The following TFAP2D variants were observed in gnomAD, a reference collection of about 807,000 sequenced individuals.
TFAP2D encodes transcription factor AP-2-delta.
In TFAP2D, 9 loss-of-function variants were observed where a neutral mutation model predicts 43.6. The ratio of observed to expected loss-of-function variants is 0.21; its 90% CI spans 0.12 to 0.36. The LOEUF is 0.36. TFAP2D is among the 10% of genes least tolerant of loss of function. The pLI is 1.00. For missense variants in TFAP2D, 513 were observed against 561.4 expected, an observed-to-expected ratio of 0.91 and a Z score of 0.87; for synonymous variants, 256 against 224.9, an observed-to-expected ratio of 1.14 and a Z score of -1.24.
At chr6:50,736,876 A>G (rs750537585) in intron 5 of TFAP2D, among the ~76,000 whole-genome samples, 4 of 152,194 alleles carry the variant, frequency 2.6e-5, no homozygotes, top group Non-Finnish European at 2.9e-5. Flanking sequence ...CACTAAAAAT[A>G]ACGTTTGAAT....
intron 7 of TFAP2D, among the ~76,000 whole-genome samples, chr6:50,753,537 A>G (rs569098252): frequency 1.2e-4 from 18 of 151,952 alleles, no homozygotes; most frequent in African/African-American, 4.3e-4. Context: ...CATACAGAAT[A>G]TGGGAACAAG....
chr6:50,739,989 G>A (rs888010616), intron 5 of TFAP2D, among the ~76,000 whole-genome samples: 5 of 152,128 alleles, frequency 3.3e-5, no homozygotes, highest in East Asian at 1.9e-4. Flanking sequence ...ATTCCTTTCC[G>A]AAGAGTCTGG....
chr6:50,735,537 G>A (rs1463452519), intron 5 of TFAP2D, among the ~76,000 whole-genome samples: 1 of 152,032 alleles, frequency 6.6e-6, no homozygotes, highest in African/African-American at 2.4e-5. Flanking sequence ...CAAAGTTAGG[G>A]GGACATTAAA....
intron 5 of TFAP2D, among the ~76,000 whole-genome samples, chr6:50,730,073 G>T (rs1192163875): frequency 6.6e-6 from 1 of 151,906 alleles, no homozygotes; most frequent in Non-Finnish European, 1.5e-5. Flanking sequence ...GAATGCTATT[G>T]TTTAAAATAT....
At chr6:50,728,708 C>T in intron 3 of TFAP2D, 148 bp from the exon 4 acceptor site, 2 of 700,736 alleles carry the variant, frequency 2.9e-6, no homozygotes, top group South Asian at 1.9e-5. Flanking sequence ...ACATTTAGAG[C>T]AGCTCCCTGC....
intron 3 of TFAP2D, among the ~76,000 whole-genome samples, chr6:50,720,486 A>AACACACACAC (rs59484837): frequency 5.5e-4 from 76 of 139,158 alleles, no homozygotes; most frequent in Middle Eastern, 3.7e-3. Flanking sequence ...TGGAGATTAA[A>AACACACACAC]ACACACACAC....
chr6:50,744,975 T>C (rs1769105164), intron 5 of TFAP2D, 132 bp from the exon 6 acceptor site: 2 of 1,164,560 alleles, frequency 1.7e-6, no homozygotes, highest in Admixed American at 3.0e-5. Flanking sequence ...AGGTCTTTTT[T>C]CTTGAATAGT....
At chr6:50,731,078 A>G (rs750795313) in intron 5 of TFAP2D, among the ~76,000 whole-genome samples, 2 of 152,126 alleles carry the variant, frequency 1.3e-5, no homozygotes, top group Middle Eastern at 3.4e-3. Context: ...GGAATTATCA[A>G]TCTGTACTAG....
At position 50,753,132 on chromosome 6, in the gene TFAP2D, T is replaced by A. The variant is rs145959576; in HGVS notation, c.1139+1808T>A. ...TTTATAATTTTTACAAAAGATCAACTCAGAACTTAATTTTCATTGAGGTTT... is the reference window on the plus strand; with the variant it reads ...TTTATAATTTTTACAAAAGATCAACACAGAACTTAATTTTCATTGAGGTTT... On this transcript the variant is annotated intron_variant, in intron 7 of 7. Coordinates refer to ENST00000008391, the MANE Select transcript of TFAP2D (RefSeq NM_172238.4). 8.3e-3 allele frequency among the ~76,000 whole-genome samples: 1,267 copies of A among 152,008 alleles called. 51 individuals carry two copies. Among genetic ancestry groups the A allele is most frequent in the East Asian group, 0.019 (99 of 5,162 alleles).
intron 2 of TFAP2D, among the ~76,000 whole-genome samples, chr6:50,717,032 A>C (rs2114027615): frequency 6.6e-6 from 1 of 152,328 alleles, no homozygotes; most frequent in East Asian, 1.9e-4. Flanking sequence ...GGGCATTTTT[A>C]CATTTTTCAC....
chr6:50,757,507 CTATATATAGAATACATATAATTATTCTA>C (rs1561940258), intron 7 of TFAP2D, among the ~76,000 whole-genome samples: 1,127 of 53,686 alleles, frequency 0.021, 24 homozygotes, highest in East Asian at 0.036. Flanking sequence ...TATAATTATT[CTATATATAGAATACATATAATTATTCTA>C]TATATATAGA....
chr6:50,744,344 C>A lies in TFAP2D; in HGVS notation c.884-763C>A, dbSNP rs116812836. On this transcript the variant is annotated intron_variant, in intron 5 of 7. Coordinates refer to ENST00000008391, the MANE Select transcript of TFAP2D (RefSeq NM_172238.4). ...GTAGTTTACTTAGGATAATGGCCTC[C>A]AGCTACTTTTGCAAAGAACATGATC... Among the ~76,000 whole-genome samples the A allele has an allele frequency of 6.2e-3, 950 of 152,202 alleles. 8 individuals are homozygous for A. Among genetic ancestry groups the A allele is most frequent in the African/African-American group, 0.021 (893 of 41,536 alleles).
intron 7 of TFAP2D, among the ~76,000 whole-genome samples, chr6:50,757,507 C>CTATATATAGAATACATATAATTATTCTA (rs1561940258): frequency 0.014 from 749 of 54,410 alleles, 70 homozygotes; most frequent in Non-Finnish European, 0.017. Context: ...TATAATTATT[C>CTATATATAGAATACATATAATTATTCTA]TATATATAGA....
At chr6:50,765,039 T>C (rs1031527548) in intron 7 of TFAP2D, among the ~76,000 whole-genome samples, 1 of 152,202 alleles carries the variant, frequency 6.6e-6, no homozygotes, top group African/African-American at 2.4e-5. Flanking sequence ...CCAGAACTTA[T>C]TCATCTTATT....
chr6:50,734,690 A>G (rs1039650554), intron 5 of TFAP2D, among the ~76,000 whole-genome samples: 1 of 152,146 alleles, frequency 6.6e-6, no homozygotes, highest in Non-Finnish European at 1.5e-5. Flanking sequence ...TATAAGAACT[A>G]ATCACGTGAC....
At chr6:50,722,579 T>C (rs1768744280) in intron 3 of TFAP2D, among the ~76,000 whole-genome samples, 1 of 152,098 alleles carries the variant, frequency 6.6e-6, no homozygotes, top group Non-Finnish European at 1.5e-5. Context: ...CACCGGTCCC[T>C]TTCATTTCCT....
At chr6:50,735,651 C>A (rs775981362) in intron 5 of TFAP2D, among the ~76,000 whole-genome samples, 2 of 152,060 alleles carry the variant, frequency 1.3e-5, no homozygotes, top group Non-Finnish European at 1.5e-5. Context: ...CCTACAAAAC[C>A]TTTTTATTCC....
chr6:50,751,066 T>C (rs773850938), intron 6 of TFAP2D, 145 bp from the exon 7 acceptor site: 25 of 591,320 alleles, frequency 4.2e-5, no homozygotes, highest in Non-Finnish European at 7.2e-5. Context: ...AACTGTATGC[T>C]ATGAATGGAA....
intron 2 of TFAP2D, 131 bp downstream of exon 2, chr6:50,715,744 CT>C: frequency 1.5e-6 from 1 of 684,226 alleles, no homozygotes; most frequent in Non-Finnish European, 2.3e-6. Flanking sequence ...CTCTCTCTCT[CT>C]CTCTCACACA....
Sources: allele counts gnomAD v4.1 joint callset (sites outside exome capture counted in the v4.1 genomes callset), GRCh38; gene constraint gnomAD v4.1.1; transcripts MANE v1.5; gene names NCBI Gene and HGNC (gene_info 2026-07-23, HGNC 2026-07-21).